ZNF148: variants seen among roughly 807,000 people sequenced by gnomAD.
ZNF148 encodes the protein zinc finger protein 148.
A neutral mutation model predicts 67.7 loss-of-function variants in ZNF148; 7 were observed. The observed-to-expected ratio is 0.10, with a 90% confidence interval of 0.06 to 0.19. The LOEUF is 0.19. Among genes scored for constraint, ZNF148 ranks in the 10% least tolerant of loss-of-function variants. ZNF148 has a pLI of 1.00. For missense variants in ZNF148, 583 were observed against 947.1 expected (o/e 0.62, Z 5.05); for synonymous variants, 333 against 330.7 (o/e 1.01, Z -0.08).
intron 1 of ZNF148, among the ~76,000 whole-genome samples, chr3:125,368,319 C>T (rs1039662695): frequency 6.6e-6 from 1 of 152,114 alleles, no homozygotes; most frequent in Non-Finnish European, 1.5e-5. Flanking sequence ...GGAAGGCTAC[C>T]ACTTACTCAT....
intron 1 of ZNF148, among the ~76,000 whole-genome samples, 168 bp from the exon 2 acceptor site, chr3:125,331,406 C>G (rs1394806670): frequency 6.6e-6 from 1 of 152,206 alleles, no homozygotes; most frequent in Non-Finnish European, 1.5e-5. Flanking sequence ...AACACTTAGT[C>G]TGAGTGCAAT....
chr3:125,280,225 G>A (rs1938304840), intron 5 of ZNF148, among the ~76,000 whole-genome samples: 1 of 152,034 alleles, frequency 6.6e-6, no homozygotes, highest in South Asian at 2.1e-4. Flanking sequence ...TTAAAAAATA[G>A]AAGTGGGTAA....
In ZNF148 at chr3:125,228,121, G is replaced by A. The variant is rs1935711467; in HGVS notation, c.*4220C>T. 1 of 152,594 alleles carries A rather than the reference G, an allele frequency of 6.6e-6. No homozygotes were observed. Among genetic ancestry groups the A allele is most frequent in the Non-Finnish European group, 1.5e-5 (1 of 68,020 alleles). The allele number at this position is 152,594 out of a possible 1,614,324, so 9.5% of individuals were successfully genotyped here. A position where few individuals can be genotyped will look rare whatever the true frequency, so the allele number is the denominator to read the frequency against. ...GAACTATCTATTTCACAATGGAGCT[G>A]AAGTCACCTCAAAACTTACGGGCTT... On this transcript the variant is annotated 3_prime_UTR_variant, in exon 9 of 9. Transcript: ENST00000360647.
intron 4 of ZNF148, among the ~76,000 whole-genome samples, chr3:125,297,323 C>T (rs1022020161): frequency 4.6e-5 from 7 of 151,996 alleles, no homozygotes; most frequent in Admixed American, 6.6e-5. Flanking sequence ...TAAATGGGAA[C>T]GGAAAACCAT....
intron 3 of ZNF148, among the ~76,000 whole-genome samples, chr3:125,319,575 T>C (rs1346018149): frequency 6.6e-6 from 1 of 152,224 alleles, no homozygotes. Flanking sequence ...ATGAGGTCTT[T>C]CCAAATTAAT....
rs547952369 is a variant in ZNF148, at chr3:125,295,452, CA to C, written c.334-7225del. On this transcript the variant is annotated intron_variant, in intron 4 of 8. Coordinates refer to ENST00000360647, the MANE Select transcript of ZNF148 (RefSeq NM_021964.3). ...TGGGCGACAGAGTGAGACTCCATCTCAAAAAAAAAAAAAGACAAAATGCCAA... is the reference window on the plus strand; with the variant it reads ...TGGGCGACAGAGTGAGACTCCATCTCAAAAAAAAAAAAGACAAAATGCCAA... Among the ~76,000 whole-genome samples the C allele has an allele frequency of 2.9e-3, 380 of 130,128 alleles. 1 individual carries two copies. The highest frequency in any genetic ancestry group is 8.3e-3 in the South Asian group (34 of 4,090). The allele number at this position is 130,128 out of a possible 152,430, so 85.4% of individuals were successfully genotyped here.
intron 7 of ZNF148, among the ~76,000 whole-genome samples, chr3:125,277,303 A>C (rs1045633554): frequency 6.6e-6 from 1 of 152,182 alleles, no homozygotes; most frequent in Non-Finnish European, 1.5e-5. Context: ...GCAGTTCTCA[A>C]CTTTTTAAGA....
chr3:125,325,625 C>T (rs1354662236), intron 2 of ZNF148, among the ~76,000 whole-genome samples: 1 of 152,008 alleles, frequency 6.6e-6, no homozygotes, highest in African/African-American at 2.4e-5. Context: ...TCCATCATGC[C>T]TGGCTAATTT....
chr3:125,227,003 T>C lies in ZNF148; in HGVS notation c.*5338A>G, dbSNP rs920314785. On this transcript the variant is annotated 3_prime_UTR_variant, in exon 9 of 9. Transcript: ENST00000360647. ...AAGGAAAGACCCATTTTGTATCTGA[T>C]CCCGAGTTTGCAGTTGAGTCCTTCC... The C allele has an allele frequency of 2.0e-5, 3 of 152,148 alleles. No homozygotes were observed. The highest frequency in any genetic ancestry group is 7.2e-5 in the African/African-American group (3 of 41,448). The allele number at this position is 152,148 out of a possible 1,614,324, so 9.4% of individuals were successfully genotyped here.
At chr3:125,240,116 A>G (rs934805333) in intron 7 of ZNF148, among the ~76,000 whole-genome samples, 2 of 152,228 alleles carry the variant, frequency 1.3e-5, no homozygotes, top group Non-Finnish European at 2.9e-5. Context: ...TTATTTTTAA[A>G]TATGCATGGT....
At chr3:125,298,038 C>T (rs946605102) in intron 4 of ZNF148, among the ~76,000 whole-genome samples, 1 of 152,054 alleles carries the variant, frequency 6.6e-6, no homozygotes, top group African/African-American at 2.4e-5. Flanking sequence ...GGGTATATCT[C>T]ATAAACAATG....
chr3:125,360,870 T>C (rs1942514714), intron 1 of ZNF148, among the ~76,000 whole-genome samples: 1 of 149,014 alleles, frequency 6.7e-6, no homozygotes. Flanking sequence ...TATATACATA[T>C]ATATAGAAAA....
intron 7 of ZNF148, among the ~76,000 whole-genome samples, chr3:125,269,550 G>A (rs991226334): frequency 2.0e-5 from 3 of 151,834 alleles, no homozygotes; most frequent in Admixed American, 2.0e-4. Context: ...ACAGTCTGGA[G>A]ATTTCTCAAG....
At position 125,323,399 on chromosome 3, in the gene ZNF148, T is replaced by A; in HGVS notation, c.-107A>T. On this transcript the variant is annotated 5_prime_UTR_variant, in exon 3 of 9. It adds an upstream start codon to the 5' untranslated region. Transcript: ENST00000360647. ...GGTTGAGTTTCTACCTTTCATAGGC[T>A]TCAGAAATCCTCAATACCACCTTAA... 1 of 696,766 alleles carries A rather than the reference T, an allele frequency of 1.4e-6. No individual in the cohort carries two copies. The highest frequency in any genetic ancestry group is 2.6e-6 in the Non-Finnish European group (1 of 383,140). The allele number at this position is 696,766 out of a possible 1,614,324, so 43.2% of individuals were successfully genotyped here. A position where few individuals can be genotyped will look rare whatever the true frequency, so the allele number is the denominator to read the frequency against.
At chr3:125,274,961 T>C (rs142755920) in intron 7 of ZNF148, among the ~76,000 whole-genome samples, 2 of 152,304 alleles carry the variant, frequency 1.3e-5, no homozygotes, top group East Asian at 1.9e-4. Context: ...TTCAGGGCAC[T>C]ACCCTCCTCC....
At chr3:125,327,976 T>A (rs920649824) in intron 2 of ZNF148, among the ~76,000 whole-genome samples, 2 of 152,108 alleles carry the variant, frequency 1.3e-5, no homozygotes, top group African/African-American at 4.8e-5. Context: ...AATTTTTTTT[T>A]AAGTAATATG....
At chr3:125,282,520 G>A (rs1456711193) in intron 5 of ZNF148, among the ~76,000 whole-genome samples, 1 of 152,056 alleles carries the variant, frequency 6.6e-6, no homozygotes, top group African/African-American at 2.4e-5. Context: ...TCAGGTTTTA[G>A]CAAGTGGAGA....
intron 7 of ZNF148, among the ~76,000 whole-genome samples, chr3:125,259,603 T>C (rs757205103): frequency 3.3e-5 from 5 of 152,208 alleles, no homozygotes; most frequent in Non-Finnish European, 7.3e-5. Context: ...CATTATACTA[T>C]AGCCTATTAA....
chr3:125,250,654 G>C (rs1325554090), intron 7 of ZNF148, among the ~76,000 whole-genome samples: 1 of 152,164 alleles, frequency 6.6e-6, no homozygotes, highest in Admixed American at 6.5e-5. Context: ...TCTTCTTCCA[G>C]GTAGATGACA....
Sources: gnomAD v4.1 joint callset for allele counts (sites outside exome capture counted in the v4.1 genomes callset) on GRCh38, gnomAD v4.1.1 for gene constraint, MANE v1.5 for transcripts, NCBI Gene and HGNC (gene_info 2026-07-23, HGNC 2026-07-21) for gene names.